HMGCLL1: variants seen among roughly 807,000 people sequenced by gnomAD.
HMGCLL1 encodes 3-hydroxymethyl-3-methylglutaryl-CoA lyase, cytoplasmic.
In HMGCLL1, 36 loss-of-function variants were observed where a neutral mutation model predicts 39.1. That is an observed-to-expected ratio of 0.92 (90% confidence interval 0.71 to 1.22). The LOEUF is 1.22. Ranked by LOEUF, HMGCLL1 falls within the 50% of genes most tolerant of loss-of-function variation. The probability of loss-of-function intolerance (pLI) is 0.00; values close to 1 mark genes in which losing one functional copy is unlikely to be tolerated. For missense variants in HMGCLL1, 451 were observed against 416.5 expected (o/e 1.08, Z -0.72); for synonymous variants, 149 against 144.0 (o/e 1.03, Z -0.25).
the HMGCLL1 span, among the ~76,000 whole-genome samples, chr6:55,651,260 C>T: frequency 6.6e-6 from 1 of 152,068 alleles, no homozygotes; most frequent in Non-Finnish European, 1.5e-5. Flanking sequence ...ATAAATCTTG[C>T]CAAAACTACA....
intron 1 of HMGCLL1, among the ~76,000 whole-genome samples, chr6:55,574,706 A>G (rs1771680136): frequency 6.6e-6 from 1 of 151,954 alleles, no homozygotes; most frequent in Non-Finnish European, 1.5e-5. Flanking sequence ...CAATCATCCT[A>G]AAATATTTAG....
At chr6:55,669,123 A>G in the HMGCLL1 span, among the ~76,000 whole-genome samples, 30 of 151,934 alleles carry the variant, frequency 2.0e-4, no homozygotes, top group African/African-American at 7.0e-4. Context: ...ATTAAAAAAA[A>G]AAAAAAAGAA....
the HMGCLL1 span, among the ~76,000 whole-genome samples, chr6:55,637,459 T>C: frequency 0.35 from 52,884 of 151,848 alleles, 9,545 homozygotes; most frequent in African/African-American, 0.44. Context: ...TGGGATTTAT[T>C]TGCTTTCTTA....
At chr6:55,444,222 C>G (rs890475903) in intron 7 of HMGCLL1, among the ~76,000 whole-genome samples, 1 of 151,974 alleles carries the variant, frequency 6.6e-6, no homozygotes, top group Non-Finnish European at 1.5e-5. Flanking sequence ...TTTGGGTGAG[C>G]AATTATTTAG....
the HMGCLL1 span, among the ~76,000 whole-genome samples, chr6:55,673,750 AC>A: frequency 6.6e-6 from 1 of 152,000 alleles, no homozygotes; most frequent in African/African-American, 2.4e-5. Flanking sequence ...TAGTATTAAT[AC>A]TTTTCCTGCT....
At chr6:55,656,327 G>T in the HMGCLL1 span, among the ~76,000 whole-genome samples, 1 of 151,938 alleles carries the variant, frequency 6.6e-6, no homozygotes, top group South Asian at 2.1e-4. Context: ...TGCACTCTAA[G>T]AATTATAGGA....
chr6:55,566,680 T>G, intron 1 of HMGCLL1: 1 of 454,660 alleles, frequency 2.2e-6, no homozygotes, highest in Non-Finnish European at 4.4e-6. Flanking sequence ...GTGAATTAAC[T>G]TAATAGAAAC....
At chr6:55,620,542 G>T in the HMGCLL1 span, among the ~76,000 whole-genome samples, 1 of 151,792 alleles carries the variant, frequency 6.6e-6, no homozygotes, top group African/African-American at 2.4e-5. Context: ...GGATTATTAT[G>T]ATTTTCTTTG....
At position 55,499,220 on chromosome 6, in the gene HMGCLL1, T is replaced by C; in HGVS notation, c.606+16A>G. The stretch of plus-strand genomic sequence containing the variant: ...TCATGTTACCATAAACCAAAAAAGC[T>C]GAAGATGTAGCTTACTTCTGTCACT... On this transcript the variant is annotated intron_variant, in intron 6 of 8. Coordinates refer to ENST00000274901, the MANE Select transcript of HMGCLL1 (RefSeq NM_001042406.2). 6.3e-7 allele frequency: 1 copy of C among 1,599,018 alleles called. No homozygotes were observed. The highest frequency in any genetic ancestry group is 8.5e-7 in the Non-Finnish European group (1 of 1,172,534).
At chr6:55,597,409 C>T in the HMGCLL1 span, among the ~76,000 whole-genome samples, 1 of 151,572 alleles carries the variant, frequency 6.6e-6, no homozygotes, top group Non-Finnish European at 1.5e-5. Context: ...TAGCTTCTTG[C>T]ATAACAAGAC....
chr6:55,635,298 C>T, the HMGCLL1 span, among the ~76,000 whole-genome samples: 17 of 152,180 alleles, frequency 1.1e-4, no homozygotes, highest in Admixed American at 9.2e-4. Flanking sequence ...ATTATACACA[C>T]TTATATCACT....
intron 1 of HMGCLL1, among the ~76,000 whole-genome samples, chr6:55,577,660 T>C (rs1771824857): frequency 6.6e-6 from 1 of 152,106 alleles, no homozygotes; most frequent in Non-Finnish European, 1.5e-5. Flanking sequence ...AAATATAATA[T>C]TCACTCAAAA....
chr6:55,484,230 T>C (rs1047887477), intron 7 of HMGCLL1, among the ~76,000 whole-genome samples: 1 of 152,040 alleles, frequency 6.6e-6, no homozygotes, highest in African/African-American at 2.4e-5. Flanking sequence ...TATATAGCAT[T>C]TAACACCTCT....
At chr6:55,482,018 A>T (rs560399736) in intron 7 of HMGCLL1, among the ~76,000 whole-genome samples, 1 of 152,250 alleles carries the variant, frequency 6.6e-6, no homozygotes, top group East Asian at 1.9e-4. Context: ...CCTAAAAAAA[A>T]CAGTGCTTTT....
intron 1 of HMGCLL1, among the ~76,000 whole-genome samples, chr6:55,567,739 G>A (rs1262683067): frequency 1.3e-5 from 2 of 152,138 alleles, no homozygotes; most frequent in East Asian, 1.9e-4. Flanking sequence ...TGAGATAGAA[G>A]CTCTAGGCGT....
intron 7 of HMGCLL1, among the ~76,000 whole-genome samples, chr6:55,489,127 G>A (rs1376472299): frequency 2.0e-5 from 3 of 152,018 alleles, no homozygotes; most frequent in Non-Finnish European, 4.4e-5. Context: ...AAGAATGTAT[G>A]TGCATAAAAT....
At chr6:55,528,480 A>T (rs1042569878) in intron 3 of HMGCLL1, among the ~76,000 whole-genome samples, 20 of 152,050 alleles carry the variant, frequency 1.3e-4, no homozygotes, top group African/African-American at 4.8e-4. Flanking sequence ...GCCTGGGTAC[A>T]GTAACCCTGT....
chr6:55,653,061 T>G, the HMGCLL1 span, among the ~76,000 whole-genome samples: 1 of 152,090 alleles, frequency 6.6e-6, no homozygotes, highest in African/African-American at 2.4e-5. Context: ...GAAGAACTCA[T>G]GTTTATAGGG....
At chr6:55,612,520 T>C in the HMGCLL1 span, among the ~76,000 whole-genome samples, 42 of 152,174 alleles carry the variant, frequency 2.8e-4, no homozygotes, top group African/African-American at 9.4e-4. Context: ...GGAACAAAGC[T>C]GGAGGCATCA....
Sources: gnomAD v4.1 joint callset for allele counts (sites outside exome capture counted in the v4.1 genomes callset) on GRCh38, gnomAD v4.1.1 for gene constraint, MANE v1.5 for transcripts, NCBI Gene and HGNC (gene_info 2026-07-23, HGNC 2026-07-21) for gene names.